The following MTSS1 variants were observed in gnomAD, a reference collection of about 807,000 sequenced individuals.
MTSS1 encodes protein MTSS 1.
A neutral mutation model predicts 79.0 loss-of-function variants in MTSS1; 18 were observed. That is an observed-to-expected ratio of 0.23 (90% CI 0.16 to 0.34). The LOEUF (loss-of-function observed/expected upper bound fraction) is 0.34. Among genes scored for constraint, MTSS1 ranks in the 10% least tolerant of loss-of-function variants. The pLI is 1.00. For synonymous variants in MTSS1, 341 were observed against 368.6 expected (o/e 0.93, Z 0.86); for missense variants, 815 against 986.2 (o/e 0.83, Z 2.33).
chr8:124,598,939 G>GT (rs1235396004), intron 3 of MTSS1, among the ~76,000 whole-genome samples: 3 of 152,224 alleles, frequency 2.0e-5, no homozygotes, highest in African/African-American at 7.2e-5. Context: ...ATGGGTGGTG[G>GT]ATAAGAAAGC....
chr8:124,557,824 G>C lies in MTSS1; in HGVS notation c.1087C>G (p.Pro363Ala). Residue 363 changes from proline (P) to alanine (A), a missense_variant, in exon 11 of 14, where the codon CCC becomes GCC. This residue lies in a region of MTSS1 where 590 missense variants were observed against 620.8 expected (regional missense o/e 0.95). Coordinates refer to ENST00000518547, the MANE Select transcript of MTSS1 (RefSeq NM_014751.6). ...YSLSSESHVG[P>A]TGAGLFPHCL... The stretch of plus-strand genomic sequence containing the variant: ...TGAGGGAAAAGGCCTGCACCCGTGG[G>C]CCCCACGTGGGACTCACTTGATAAA... 1 of 1,594,564 alleles carries C rather than the reference G, an allele frequency of 6.3e-7. No individual in the cohort carries two copies. The highest frequency in any genetic ancestry group is 8.5e-7 in the Non-Finnish European group (1 of 1,170,076).
At chr8:124,722,746 TC>T (rs1426063610) in intron 1 of MTSS1, among the ~76,000 whole-genome samples, 2 of 152,206 alleles carry the variant, frequency 1.3e-5, no homozygotes, top group African/African-American at 2.4e-5. Flanking sequence ...GCTAAATCTG[TC>T]CTCTGGCTTT....
chr8:124,656,221 T>G lies in MTSS1; in HGVS notation c.208+43305A>C, dbSNP rs572565301. Among the ~76,000 whole-genome samples the G allele has an allele frequency of 1.8e-3, 272 of 152,300 alleles. 1 individual carries two copies. The highest frequency in any genetic ancestry group is 6.3e-3 in the African/African-American group (263 of 41,566). ...AGCTTAAGTAGTGGGGCTAGCATAC[T>G]TGAACTCAAAACCAACTCTTTCCTT... On this transcript the variant is annotated intron_variant, in intron 3 of 13. Transcript: ENST00000518547.
At chr8:124,625,659 G>A (rs76725592) in intron 3 of MTSS1, among the ~76,000 whole-genome samples, 1 of 152,182 alleles carries the variant, frequency 6.6e-6, no homozygotes, top group African/African-American at 2.4e-5. Flanking sequence ...CACTCCCCCT[G>A]ACCCCACACA....
intron 3 of MTSS1, among the ~76,000 whole-genome samples, chr8:124,643,399 T>C (rs1818414866): frequency 6.6e-6 from 1 of 152,046 alleles, no homozygotes; most frequent in Non-Finnish European, 1.5e-5. Context: ...AATATGATCA[T>C]TTAAAAACAA....
At chr8:124,654,348 G>C (rs986242914) in intron 3 of MTSS1, among the ~76,000 whole-genome samples, 1 of 152,048 alleles carries the variant, frequency 6.6e-6, no homozygotes, top group African/African-American at 2.4e-5. Context: ...TCCCTGGCAC[G>C]CAAAGCATCA....
intron 3 of MTSS1, among the ~76,000 whole-genome samples, chr8:124,697,709 T>C (rs1829074497): frequency 6.6e-6 from 1 of 152,220 alleles, no homozygotes; most frequent in African/African-American, 2.4e-5. Context: ...CTGCAATGGT[T>C]TGCATATTAA....
At position 124,591,139 on chromosome 8, in the gene MTSS1, C is replaced by T. The variant is rs1447924477; in HGVS notation, c.293+12G>A. The T allele has an allele frequency of 6.2e-7, 1 of 1,613,640 alleles. No homozygotes were observed. On this transcript the variant is annotated intron_variant, in intron 4 of 13. Transcript: ENST00000518547. ...AGGGTGTTGGCGATCGGGGCCAAAA[C>T]ATGCTCCTCACCTCGAAAACTGCCT...
chr8:124,609,728 G>A (rs551746730), intron 3 of MTSS1, among the ~76,000 whole-genome samples: 3 of 152,338 alleles, frequency 2.0e-5, no homozygotes, highest in Non-Finnish European at 2.9e-5. Context: ...GAACAACTAC[G>A]TGTGAGCCAT....
chr8:124,618,532 G>A (rs1235427123), intron 3 of MTSS1, among the ~76,000 whole-genome samples: 1 of 152,020 alleles, frequency 6.6e-6, no homozygotes, highest in South Asian at 2.1e-4. Flanking sequence ...GAGTAGACTC[G>A]GTGAACATGC....
Position 124,561,695 on chromosome 8 carries a change from C to T in MTSS1, c.1035+1087G>A, listed in dbSNP as rs375584218. 4.6e-5 allele frequency among the ~76,000 whole-genome samples: 7 copies of T among 152,062 alleles called. No individual in the cohort carries two copies. The South Asian group carries it at 6.2e-4, about 14-fold the overall frequency. On this transcript the variant is annotated intron_variant, in intron 10 of 13. Transcript: ENST00000518547. ...AATTATGCTGCACACTAGAACAGCC[C>T]GGAGGAACTGCACATTCCAGCCCTC...
intron 3 of MTSS1, among the ~76,000 whole-genome samples, chr8:124,646,792 T>TA (rs199859912): frequency 0.04 from 5,955 of 147,638 alleles, 273 homozygotes; most frequent in East Asian, 0.18. Context: ...TCCTCATGGT[T>TA]AAAAAAAAAA....
chr8:124,690,726 C>A (rs1038345247), intron 3 of MTSS1, among the ~76,000 whole-genome samples: 1 of 152,178 alleles, frequency 6.6e-6, no homozygotes, highest in African/African-American at 2.4e-5. Context: ...AGGAGGGATT[C>A]GTTTTATCAG....
At chr8:124,671,480 C>T (rs1824207361) in intron 3 of MTSS1, among the ~76,000 whole-genome samples, 1 of 152,208 alleles carries the variant, frequency 6.6e-6, no homozygotes, top group Non-Finnish European at 1.5e-5. Flanking sequence ...TAGTCTCGCC[C>T]TCCTGGCTGC....
In MTSS1 at chr8:124,553,337, C is replaced by T. The variant is rs772610162; in HGVS notation, c.1923G>A (p.Gly641=). Residue 641 remains glycine, a synonymous_variant, in exon 14 of 14, where the codon GGG becomes GGA. Coordinates refer to ENST00000518547, the MANE Select transcript of MTSS1 (RefSeq NM_014751.6). The surrounding 1 kb of genome is among the most constrained non-coding windows in gnomAD (Gnocchi z 6.0). Reference sequence around the variant, plus strand: ...CAGATGGCGACTCAGGGCTGTGCTCCCCCCGCTCTTCTGGCCCATCTGGAG... The same window carrying T: ...CAGATGGCGACTCAGGGCTGTGCTCTCCCCGCTCTTCTGGCCCATCTGGAG... ...PAPPDGPEER[G]EHSPESPSVG... The T allele has an allele frequency of 3.1e-6, 5 of 1,613,606 alleles. No individual in the cohort carries two copies. Among genetic ancestry groups the T allele is most frequent in the East Asian group, 2.2e-5 (1 of 44,864 alleles).
intron 3 of MTSS1, among the ~76,000 whole-genome samples, chr8:124,606,114 T>C (rs1263444223): frequency 6.6e-6 from 1 of 151,594 alleles, no homozygotes; most frequent in Non-Finnish European, 1.5e-5. Flanking sequence ...TAGCTGGGAC[T>C]ACAGGCATGT....
At chr8:124,569,097 A>G (rs1033744133) in intron 6 of MTSS1, among the ~76,000 whole-genome samples, 1 of 152,138 alleles carries the variant, frequency 6.6e-6, no homozygotes, top group Non-Finnish European at 1.5e-5. Context: ...TCTAGTGGAG[A>G]GTCTTGAATG....
chr8:124,696,591 G>A lies in MTSS1; in HGVS notation c.208+2935C>T, dbSNP rs140248011. Among the ~76,000 whole-genome samples the A allele has an allele frequency of 7.7e-4, 117 of 152,182 alleles. 4 individuals are homozygous for A. In the South Asian group the frequency reaches 0.023, roughly 29 times the overall value. ...AAAGCAGCCAGATGCGGTGGCTCCC[G>A]CCTGTAATCCCAGTACTTTGGAAGG... On this transcript the variant is annotated intron_variant, in intron 3 of 13. Transcript: ENST00000518547.
chr8:124,578,629 T>C (rs1267201090), intron 6 of MTSS1, among the ~76,000 whole-genome samples: 1 of 151,728 alleles, frequency 6.6e-6, no homozygotes, highest in Non-Finnish European at 1.5e-5. Context: ...ACCCCGTCTC[T>C]ACTAAAAATA....
Sources: allele counts gnomAD v4.1 joint callset (sites outside exome capture counted in the v4.1 genomes callset), GRCh38; gene constraint gnomAD v4.1.1; regional missense constraint gnomAD v4.1.1; non-coding constraint Gnocchi (gnomAD v3.1); transcripts MANE v1.5; gene names NCBI Gene and HGNC (gene_info 2026-07-23, HGNC 2026-07-21).